The following DOCK2 variants were observed in gnomAD, a reference collection of about 807,000 sequenced individuals.
DOCK2 encodes dedicator of cytokinesis protein 2.
A neutral mutation model predicts 248.9 loss-of-function variants in DOCK2; 87 were observed. That is an observed-to-expected ratio of 0.35 (90% CI 0.29 to 0.42). The LOEUF is 0.42. DOCK2 is among the 10% of genes least tolerant of loss of function. DOCK2 has a pLI of 1.00. For synonymous variants in DOCK2, 805 were observed against 821.6 expected (o/e 0.98, Z 0.35); for missense variants, 1,747 against 2,300.2 (o/e 0.76, Z 4.92).
chr5:169,778,835 T>A (rs1226517115), intron 25 of DOCK2, among the ~76,000 whole-genome samples: 3 of 152,234 alleles, frequency 2.0e-5, no homozygotes, highest in Non-Finnish European at 4.4e-5. Flanking sequence ...AATAGCTCAC[T>A]GTATCTATGT....
chr5:170,045,774 C>T (rs763675041), intron 38 of DOCK2, 42 bp from the exon 39 acceptor site: 69 of 1,597,530 alleles, frequency 4.3e-5, no homozygotes, highest in Middle Eastern at 1.7e-4. Context: ...TCTGCAAACC[C>T]GGTGGTGCCA....
At chr5:169,904,402 C>T (rs1774152402) in intron 27 of DOCK2, among the ~76,000 whole-genome samples, 1 of 152,172 alleles carries the variant, frequency 6.6e-6, no homozygotes, top group Non-Finnish European at 1.5e-5. Flanking sequence ...ACCTACCTGT[C>T]TATGGAATTT....
At chr5:170,076,694 T>C (rs1757852238) in intron 47 of DOCK2, among the ~76,000 whole-genome samples, 1 of 152,184 alleles carries the variant, frequency 6.6e-6, no homozygotes, top group South Asian at 2.1e-4. Context: ...AACCATCTGG[T>C]CCAGCCTTCC....
chr5:169,894,990 T>A (rs191721995), intron 27 of DOCK2, among the ~76,000 whole-genome samples: 86 of 152,326 alleles, frequency 5.6e-4, no homozygotes, highest in Admixed American at 3.0e-3. Flanking sequence ...AACATCTCTG[T>A]GGCTTTTTGT....
chr5:170,081,990 G>T lies in DOCK2; in HGVS notation c.5430+6G>T. On this transcript the variant is annotated splice_donor_region_variant and intron_variant, in intron 51 of 51. Coordinates refer to ENST00000520908, the MANE Select transcript of DOCK2 (RefSeq NM_004946.3). ...ATCAGTTCTTCAAGACAATGGTGAG[G>T]ACATTGAGGGTGGAAGGAAAGGAAG... The T allele has an allele frequency of 6.2e-7, 1 of 1,613,258 alleles. No individual in the cohort carries two copies. Among genetic ancestry groups the T allele is most frequent in the East Asian group, 2.2e-5 (1 of 44,876 alleles).
intron 22 of DOCK2, among the ~76,000 whole-genome samples, chr5:169,721,075 G>C (rs751057850): frequency 2.0e-5 from 3 of 152,174 alleles, no homozygotes; most frequent in Non-Finnish European, 2.9e-5. Flanking sequence ...TCCATCTACT[G>C]GGACAAAATA....
At chr5:170,035,760 TTGAC>T (rs1756301919) in intron 35 of DOCK2, among the ~76,000 whole-genome samples, 1 of 152,162 alleles carries the variant, frequency 6.6e-6, no homozygotes, top group Non-Finnish European at 1.5e-5. Flanking sequence ...TTGCCACCCA[TTGAC>T]TGTGTGCTCT....
intron 27 of DOCK2, among the ~76,000 whole-genome samples, chr5:169,868,517 G>C (rs1325620534): frequency 6.6e-6 from 1 of 152,148 alleles, no homozygotes; most frequent in Non-Finnish European, 1.5e-5. Flanking sequence ...CCAGCACTTC[G>C]AAAGACCCAG....
chr5:170,005,006 A>G (rs545046474), intron 30 of DOCK2, among the ~76,000 whole-genome samples: 2 of 150,288 alleles, frequency 1.3e-5, no homozygotes, highest in East Asian at 4.0e-4. Flanking sequence ...AGCATGGCAT[A>G]TGTATACATA....
chr5:169,674,450 CCT>C lies in DOCK2; in HGVS notation c.470+10_470+11del. On this transcript the variant is annotated splice_donor_region_variant and intron_variant, in intron 6 of 51. Coordinates refer to ENST00000520908, the MANE Select transcript of DOCK2 (RefSeq NM_004946.3). ...CAAAATTGACTATGGCAACAAGTAA[CCT>C]CTCTTTCCTCTGCAAAGAGGTTTTC... 6.2e-7 allele frequency: 1 copy of C among 1,613,978 alleles called. No homozygotes were observed. The highest frequency in any genetic ancestry group is 1.3e-5 in the African/African-American group (1 of 75,044).
rs150197677 is a variant in DOCK2, at chr5:169,742,077, A to G, written c.2268-5319A>G. ...GTGATCTGCCCATCTCGGCCTCCCA[A>G]AGTGCTGGGATTACAGGTGTGAGCC... On this transcript the variant is annotated intron_variant, in intron 22 of 51. Transcript: ENST00000520908. 4.4e-3 allele frequency among the ~76,000 whole-genome samples: 674 copies of G among 151,968 alleles called. 6 individuals carry two copies. Among genetic ancestry groups the G allele is most frequent in the African/African-American group, 0.015 (629 of 41,444 alleles).
At chr5:169,774,248 T>C (rs1351093356) in intron 25 of DOCK2, among the ~76,000 whole-genome samples, 1 of 152,224 alleles carries the variant, frequency 6.6e-6, no homozygotes, top group Non-Finnish European at 1.5e-5. Context: ...GTGGCAGCAC[T>C]GTACTGTGGG....
chr5:169,813,049 T>C (rs1265788662), intron 26 of DOCK2, among the ~76,000 whole-genome samples: 1 of 152,220 alleles, frequency 6.6e-6, no homozygotes, highest in East Asian at 1.9e-4. Context: ...GAAAGGTGTC[T>C]TCCTGTCCTT....
chr5:169,639,825 G>A (rs994522415), intron 1 of DOCK2, among the ~76,000 whole-genome samples: 1 of 152,250 alleles, frequency 6.6e-6, no homozygotes, highest in Non-Finnish European at 1.5e-5. Flanking sequence ...AGTAAGGAGA[G>A]GAGGAAGAAT....
intron 27 of DOCK2, among the ~76,000 whole-genome samples, chr5:169,976,953 A>G (rs1777738215): frequency 6.6e-6 from 1 of 152,242 alleles, no homozygotes; most frequent in Non-Finnish European, 1.5e-5. Context: ...CGGATCAAAA[A>G]GCTTCTTAGG....
At chr5:169,707,545 C>T (rs145289796) in intron 14 of DOCK2, among the ~76,000 whole-genome samples, 1 of 152,224 alleles carries the variant, frequency 6.6e-6, no homozygotes, top group African/African-American at 2.4e-5. Flanking sequence ...GAGCTCACGT[C>T]AGGTTCAATG....
At chr5:169,795,397 G>A (rs997538050) in intron 25 of DOCK2, among the ~76,000 whole-genome samples, 13 of 152,200 alleles carry the variant, frequency 8.5e-5, no homozygotes, top group Non-Finnish European at 2.9e-5. Flanking sequence ...TTCATAAAGT[G>A]GAGACGTAGA....
At chr5:169,732,586 C>G (rs759021830) in intron 22 of DOCK2, among the ~76,000 whole-genome samples, 6 of 152,144 alleles carry the variant, frequency 3.9e-5, no homozygotes, top group African/African-American at 1.4e-4. Context: ...CAGTATGCAG[C>G]GTGAGACAGA....
At chr5:169,715,867 G>A (rs948478579) in intron 19 of DOCK2, among the ~76,000 whole-genome samples, 4 of 152,076 alleles carry the variant, frequency 2.6e-5, no homozygotes, top group Non-Finnish European at 5.9e-5. Context: ...TCATAAGAAT[G>A]GAATAGTGAA....
Sources: allele counts gnomAD v4.1 joint callset (sites outside exome capture counted in the v4.1 genomes callset), GRCh38; gene constraint gnomAD v4.1.1; transcripts MANE v1.5; gene names NCBI Gene and HGNC (gene_info 2026-07-23, HGNC 2026-07-21).